TMED3: variants seen among roughly 807,000 people sequenced by gnomAD.
TMED3 encodes transmembrane emp24 domain-containing protein 3.
A neutral mutation model predicts 15.0 loss-of-function variants in TMED3; 9 were observed. The ratio of observed to expected loss-of-function variants is 0.60; its 90% CI spans 0.36 to 1.04. TMED3 has a LOEUF of 1.04. Ranked by LOEUF, TMED3 falls within the 50% of genes least tolerant of loss-of-function variation. The probability of loss-of-function intolerance (pLI) is 0.01; values close to 1 mark genes in which losing one functional copy is unlikely to be tolerated. For missense variants in TMED3, 267 were observed against 278.9 expected (o/e 0.96, Z 0.30); for synonymous variants, 117 against 121.4 (o/e 0.96, Z 0.24).
intron 2 of TMED3, among the ~76,000 whole-genome samples, chr15:79,319,506 G>A (rs1167241616): frequency 6.6e-6 from 1 of 152,210 alleles, no homozygotes; most frequent in Non-Finnish European, 1.5e-5. Flanking sequence ...TTGGGGAGGT[G>A]TAGGGTCCAG....
At chr15:79,341,367 G>A (rs1158284138) in intron 2 of TMED3, among the ~76,000 whole-genome samples, 2 of 152,052 alleles carry the variant, frequency 1.3e-5, no homozygotes, top group Admixed American at 1.3e-4. Flanking sequence ...GGTAAGATGG[G>A]AATAGGTATA....
chr15:79,357,508 A>T (rs1020592259), intron 2 of TMED3, among the ~76,000 whole-genome samples: 4 of 146,194 alleles, frequency 2.7e-5, no homozygotes, highest in African/African-American at 1.0e-4. Context: ...TTACATTATT[A>T]ATTTTAGAAT....
chr15:79,408,394 T>C (rs1467834769), intron 2 of TMED3, among the ~76,000 whole-genome samples: 1 of 152,226 alleles, frequency 6.6e-6, no homozygotes, highest in Non-Finnish European at 1.5e-5. Context: ...ATCTGAGTGC[T>C]GAGTTGCAGT....
At chr15:79,400,881 A>T (rs1384261439) in intron 2 of TMED3, among the ~76,000 whole-genome samples, 1 of 152,242 alleles carries the variant, frequency 6.6e-6, no homozygotes, top group African/African-American at 2.4e-5. Flanking sequence ...AGCTATTATC[A>T]TGAGAATGCG....
intron 2 of TMED3, among the ~76,000 whole-genome samples, chr15:79,356,667 G>A (rs868720985): frequency 4.6e-5 from 7 of 152,158 alleles, no homozygotes; most frequent in Non-Finnish European, 8.8e-5. Flanking sequence ...GGATGGGGGA[G>A]GTCTACGCAA....
rs1371028348 is a variant in TMED3 at position 79,383,167 on chromosome 15, A to G, written c.418-28233A>G. 4.1e-6 allele frequency: 3 copies of G among 726,432 alleles called. No individual in the cohort carries two copies. In the African/African-American group the frequency reaches 5.2e-5, roughly 13 times the overall value. 45.0% of individuals were successfully genotyped at this position (726,432 alleles called of 1,614,324 possible). On this transcript the variant is annotated intron_variant, in intron 2 of 2. Transcript: ENST00000424155. ...TCCTGCCTTGTCCACTCTCACCTGC[A>G]CCAGTTATTGCTTACGTGGTAATCA...
intron 2 of TMED3, among the ~76,000 whole-genome samples, chr15:79,353,318 ATATAT>A (rs2058904733): frequency 2.2e-5 from 1 of 44,698 alleles, no homozygotes; most frequent in African/African-American, 5.9e-5. Context: ...TATATATATA[ATATAT>A]ATAATATATA....
At chr15:79,317,028 G>T (rs2058743309) in intron 2 of TMED3, among the ~76,000 whole-genome samples, 2 of 152,164 alleles carry the variant, frequency 1.3e-5, no homozygotes. Context: ...GATTCTCGGG[G>T]ATGTATTGCT....
At chr15:79,386,704 A>ATTTT (rs35828266) in intron 2 of TMED3, among the ~76,000 whole-genome samples, 4,510 of 125,074 alleles carry the variant, frequency 0.036, 161 homozygotes, top group Non-Finnish European at 0.046. Context: ...ATGCCTGGCT[A>ATTTT]TTTTTTTTTT....
chr15:79,413,739 T>A (rs557330061), exon 3 of TMED3: 1 of 152,368 alleles, frequency 6.6e-6, no homozygotes, highest in Admixed American at 6.5e-5. Flanking sequence ...GAGTCCTGGT[T>A]GGACAGTGTG....
intron 2 of TMED3, chr15:79,383,183 G>T: frequency 1.5e-6 from 1 of 665,982 alleles, no homozygotes; most frequent in African/African-American, 1.8e-5. Flanking sequence ...TATTGCTTAC[G>T]TGGTAATCAG....
chr15:79,353,703 T>C (rs1016346484), intron 2 of TMED3, among the ~76,000 whole-genome samples: 6 of 151,760 alleles, frequency 4.0e-5, no homozygotes, highest in African/African-American at 1.5e-4. Context: ...GGTTTTGTGT[T>C]GTATTTTGCT....
At chr15:79,409,171 AC>A (rs140001454) in intron 2 of TMED3, among the ~76,000 whole-genome samples, 3,295 of 152,298 alleles carry the variant, frequency 0.022, 122 homozygotes, top group African/African-American at 0.075. Flanking sequence ...TCCTATAAGG[AC>A]AGGTCGAGGA....
rs550484429 is a variant in TMED3, at chr15:79,381,665, T to C, written c.418-29735T>C. 1.5e-3 allele frequency among the ~76,000 whole-genome samples: 224 copies of C among 152,304 alleles called. 3 individuals carry two copies. The highest frequency in any genetic ancestry group is 4.9e-3 in the African/African-American group (202 of 41,556). On this transcript the variant is annotated intron_variant, in intron 2 of 2. Coordinates refer to the TMED3 transcript ENST00000424155. ...CAGGGACAAAAGAAGACAAATCATA[T>C]TGGAGCCACTCTCACCTGGCTTGGT...
intron 2 of TMED3, among the ~76,000 whole-genome samples, chr15:79,329,993 G>A (rs1410407389): frequency 6.6e-6 from 1 of 152,120 alleles, no homozygotes; most frequent in Admixed American, 6.5e-5. Context: ...CAACAGGATG[G>A]CTATTTAGAG....
At chr15:79,340,195 A>G (rs1447409088) in intron 2 of TMED3, among the ~76,000 whole-genome samples, 2 of 152,212 alleles carry the variant, frequency 1.3e-5, no homozygotes, top group Admixed American at 6.5e-5. Context: ...AAATGACCAC[A>G]AGAGGACAGT....
At chr15:79,407,118 T>C (rs1293522774) in intron 2 of TMED3, among the ~76,000 whole-genome samples, 1 of 152,238 alleles carries the variant, frequency 6.6e-6, no homozygotes, top group Non-Finnish European at 1.5e-5. Flanking sequence ...TCCACCTTCC[T>C]GGCTCTCCTG....
At chr15:79,370,256 ATTTTTTTTT>A (rs398028085) in intron 2 of TMED3, among the ~76,000 whole-genome samples, 152 of 104,948 alleles carry the variant, frequency 1.4e-3, no homozygotes, top group Middle Eastern at 6.7e-3. Flanking sequence ...TGCCCAGCTA[ATTTTTTTTT>A]TTTTTTTTTT....
rs550650311 is a variant in TMED3 at position 79,373,822 on chromosome 15, C to T, written c.418-37578C>T. ...TTTGGTCTGGAAAGACAGGACAACTCGAAGCAGGGGCTTACAGGTCATAGG... is the reference window on the plus strand; with the variant it reads ...TTTGGTCTGGAAAGACAGGACAACTTGAAGCAGGGGCTTACAGGTCATAGG... On this transcript the variant is annotated intron_variant, in intron 2 of 2. Transcript: ENST00000424155. Among the ~76,000 whole-genome samples the T allele has an allele frequency of 7.7e-4, 117 of 152,234 alleles. 1 individual carries two copies. The highest frequency in any genetic ancestry group is 3.7e-4 in the Non-Finnish European group (25 of 68,014).
Sources: allele counts gnomAD v4.1 joint callset (sites outside exome capture counted in the v4.1 genomes callset), GRCh38; gene constraint gnomAD v4.1.1; transcripts MANE v1.5; gene names NCBI Gene and HGNC (gene_info 2026-07-23, HGNC 2026-07-21).